DIP2C: variants seen among roughly 807,000 people sequenced by gnomAD.
The protein encoded by DIP2C is disco-interacting protein 2 homolog C.
DIP2C carries 33 observed loss-of-function variants against 192.4 expected under a neutral mutation model. That is an observed-to-expected ratio of 0.17 (90% confidence interval 0.13 to 0.23). The LOEUF (loss-of-function observed/expected upper bound fraction) is 0.23. Among genes scored for constraint, DIP2C ranks in the 10% least tolerant of loss-of-function variants. DIP2C has a pLI of 1.00. For missense variants in DIP2C, 1,537 were observed against 2,110.1 expected (o/e 0.73, Z 5.32); for synonymous variants, 979 against 864.1 (o/e 1.13, Z -2.33).
intron 1 of DIP2C, among the ~76,000 whole-genome samples, chr10:638,644 G>A (rs547105516): frequency 8.5e-5 from 13 of 152,172 alleles, no homozygotes; most frequent in Non-Finnish European, 1.3e-4. Flanking sequence ...AAGGGCTGAC[G>A]AGGCCAAGAA....
intron 1 of DIP2C, among the ~76,000 whole-genome samples, chr10:531,607 C>T (rs1364587353): frequency 6.6e-6 from 1 of 152,122 alleles, no homozygotes; most frequent in African/African-American, 2.4e-5. Context: ...AGGTAAAGGC[C>T]GAGCTCGGGA....
At chr10:509,876 C>T (rs938388221) in intron 1 of DIP2C, among the ~76,000 whole-genome samples, 9 of 152,196 alleles carry the variant, frequency 5.9e-5, no homozygotes, top group African/African-American at 9.6e-5. Flanking sequence ...AGATGGGTCT[C>T]GCTGCAGCCT....
intron 34 of DIP2C, among the ~76,000 whole-genome samples, chr10:285,079 G>A (rs2132159634): frequency 6.7e-6 from 1 of 148,902 alleles, no homozygotes; most frequent in East Asian, 2.0e-4. Context: ...ACTCCTAAGT[G>A]AGAGCTGCAC....
intron 22 of DIP2C, among the ~76,000 whole-genome samples, chr10:361,942 A>G (rs1054986345): frequency 2.0e-5 from 3 of 151,694 alleles, no homozygotes; most frequent in Non-Finnish European, 4.4e-5. Context: ...CGCGAGAACA[A>G]CAGTGTGGGG....
intron 31 of DIP2C, among the ~76,000 whole-genome samples, chr10:312,678 C>T (rs1393478900): frequency 6.6e-6 from 1 of 152,160 alleles, no homozygotes; most frequent in African/African-American, 2.4e-5. Context: ...GTAATTATGG[C>T]TACTCTTCTC....
chr10:651,122 C>A lies in DIP2C; in HGVS notation c.85+38372G>T. 11 of 717,622 alleles carry A rather than the reference C, an allele frequency of 1.5e-5. No homozygotes were observed. Among genetic ancestry groups the A allele is most frequent in the South Asian group, 1.5e-4 (10 of 67,608 alleles). 44.5% of individuals were successfully genotyped at this position (717,622 alleles called of 1,614,324 possible). A position where few individuals can be genotyped will look rare whatever the true frequency, so the allele number is the denominator to read the frequency against. ...TCTCTCCTGGCCAGCTCTCGCCACA[C>A]TCAGTCAATGTCCACTGGGGGCCTC... On this transcript the variant is annotated intron_variant, in intron 1 of 36. Transcript: ENST00000280886. This position sits in a 1 kb window ranked among gnomAD's most constrained non-coding sequence, Gnocchi z 4.1.
At chr10:580,376 A>G (rs1055627315) in intron 1 of DIP2C, among the ~76,000 whole-genome samples, 1 of 152,202 alleles carries the variant, frequency 6.6e-6, no homozygotes, top group East Asian at 1.9e-4. Context: ...ACACATGTAT[A>G]TATATAAGTA....
At chr10:609,678 T>C (rs936407501) in intron 1 of DIP2C, among the ~76,000 whole-genome samples, 1 of 152,176 alleles carries the variant, frequency 6.6e-6, no homozygotes, top group Non-Finnish European at 1.5e-5. Flanking sequence ...CTTTCCTTCT[T>C]AGAAAATAAA....
intron 1 of DIP2C, chr10:662,816 C>T (rs1445778815): frequency 4.2e-6 from 3 of 715,386 alleles, no homozygotes; most frequent in East Asian, 2.7e-5. Flanking sequence ...GGCAGGCCTG[C>T]GATGGCTGTG....
intron 18 of DIP2C, 121 bp downstream of exon 18, chr10:369,373 G>A (rs956893473): frequency 2.4e-6 from 3 of 1,236,250 alleles, no homozygotes; most frequent in Admixed American, 5.5e-5. Context: ...CTGGGAGTGA[G>A]GCTCTCAGCC....
chr10:635,563 G>T lies in DIP2C; in HGVS notation c.85+53931C>A, dbSNP rs566136697. 3.3e-5 allele frequency among the ~76,000 whole-genome samples: 5 copies of T among 152,386 alleles called. No homozygotes were observed. In the East Asian group the frequency reaches 9.6e-4, roughly 29 times the overall value. On this transcript the variant is annotated intron_variant, in intron 1 of 36. Coordinates refer to ENST00000280886, the MANE Select transcript of DIP2C (RefSeq NM_014974.3). ...GCCTGCGTCTCCTCATCCAACAGAAGCAGAAGCGGCCGCGCAGTGTGGGCT... is the reference window on the plus strand; with the variant it reads ...GCCTGCGTCTCCTCATCCAACAGAATCAGAAGCGGCCGCGCAGTGTGGGCT...
chr10:291,773 C>T (rs1033042409), intron 32 of DIP2C, among the ~76,000 whole-genome samples: 1 of 152,168 alleles, frequency 6.6e-6, no homozygotes, highest in East Asian at 1.9e-4. Context: ...GCTTGTGGTG[C>T]GTGAGTTATA....
chr10:436,598 A>C (rs1967229490), intron 4 of DIP2C, among the ~76,000 whole-genome samples: 1 of 145,784 alleles, frequency 6.9e-6, no homozygotes, highest in Non-Finnish European at 1.5e-5. Flanking sequence ...CTCCACCCAC[A>C]CCTGAGCTCT....
intron 11 of DIP2C, 48 bp from the exon 12 acceptor site, chr10:390,421 G>A (rs552151956): frequency 1.3e-6 from 2 of 1,562,906 alleles, no homozygotes; most frequent in African/African-American, 1.4e-5. Flanking sequence ...CTGAAAGTCG[G>A]TCTGTAGAAT....
chr10:280,747 A>C (rs922080744), intron 36 of DIP2C, among the ~76,000 whole-genome samples: 3 of 152,212 alleles, frequency 2.0e-5, no homozygotes, highest in Admixed American at 2.0e-4. Flanking sequence ...AACTCAAGCA[A>C]TTCTTCCTTT....
At chr10:657,936 C>CTGGACCTGATG (rs1856488573) in intron 1 of DIP2C, among the ~76,000 whole-genome samples, 1 of 138,120 alleles carries the variant, frequency 7.2e-6, no homozygotes, top group South Asian at 2.3e-4. Context: ...TGGACCTGCC[C>CTGGACCTGATG]CTGGACCTGC....
intron 31 of DIP2C, among the ~76,000 whole-genome samples, chr10:312,500 C>A (rs1328277452): frequency 6.6e-6 from 1 of 152,178 alleles, no homozygotes; most frequent in African/African-American, 2.4e-5. Flanking sequence ...ACAGCAGCTG[C>A]AGCAGTGGAA....
At chr10:615,902 G>A (rs878979436) in intron 1 of DIP2C, among the ~76,000 whole-genome samples, 2 of 152,214 alleles carry the variant, frequency 1.3e-5, no homozygotes, top group Non-Finnish European at 2.9e-5. Flanking sequence ...TCTTACTCTA[G>A]CCTGATTCCT....
chr10:654,547 A>G (rs960192894), intron 1 of DIP2C, among the ~76,000 whole-genome samples: 5 of 152,234 alleles, frequency 3.3e-5, no homozygotes, highest in Admixed American at 2.6e-4. Flanking sequence ...GCATGAGACA[A>G]CTGTTTACAG....
Sources: allele counts gnomAD v4.1 joint callset (sites outside exome capture counted in the v4.1 genomes callset), GRCh38; gene constraint gnomAD v4.1.1; non-coding constraint Gnocchi (gnomAD v3.1); transcripts MANE v1.5; gene names NCBI Gene and HGNC (gene_info 2026-07-23, HGNC 2026-07-21).